NALF1: variants seen among roughly 807,000 people sequenced by gnomAD.
NALF1 encodes the protein family with sequence similarity 155 member A.
In NALF1, 3 loss-of-function variants were observed where a neutral mutation model predicts 48.4. The observed-to-expected ratio is 0.06, with a 90% CI of 0.03 to 0.16. The LOEUF is 0.16. NALF1 is among the 10% of genes least tolerant of loss of function. The probability of loss-of-function intolerance (pLI) is 1.00; values close to 1 mark genes in which losing one functional copy is unlikely to be tolerated. For synonymous variants in NALF1, 262 were observed against 245.7 expected (o/e 1.07, Z -0.62); for missense variants, 526 against 571.5 (o/e 0.92, Z 0.81).
intron 1 of NALF1, among the ~76,000 whole-genome samples, chr13:107,616,110 G>C (rs1327988461): frequency 6.6e-6 from 1 of 152,156 alleles, no homozygotes; most frequent in East Asian, 1.9e-4. Flanking sequence ...AGATAAAGAA[G>C]ATGTGAAATT....
intron 1 of NALF1, among the ~76,000 whole-genome samples, chr13:107,257,688 T>C (rs554559105): frequency 2.0e-5 from 3 of 152,238 alleles, no homozygotes; most frequent in East Asian, 3.9e-4. Context: ...TGGCCAGGCA[T>C]GTGCAGGTGT....
chr13:107,686,617 C>G (rs1490514418), intron 1 of NALF1, among the ~76,000 whole-genome samples: 3 of 152,058 alleles, frequency 2.0e-5, no homozygotes, highest in Non-Finnish European at 4.4e-5. Context: ...TGGTCTTGAT[C>G]TCTTGGAAAA....
At chr13:107,631,860 A>T (rs998252329) in intron 1 of NALF1, among the ~76,000 whole-genome samples, 1 of 152,078 alleles carries the variant, frequency 6.6e-6, no homozygotes, top group African/African-American at 2.4e-5. Context: ...CAACCAGAAA[A>T]ACATCAGTTA....
At chr13:107,592,819 A>G (rs1203745522) in intron 1 of NALF1, among the ~76,000 whole-genome samples, 1 of 151,912 alleles carries the variant, frequency 6.6e-6, no homozygotes, top group Non-Finnish European at 1.5e-5. Context: ...AAATTCTTAA[A>G]AATAAAGATA....
chr13:107,822,956 A>G (rs1879400934), intron 1 of NALF1, among the ~76,000 whole-genome samples: 1 of 152,224 alleles, frequency 6.6e-6, no homozygotes, highest in African/African-American at 2.4e-5. Context: ...TTGGGTTTCA[A>G]TAATGTGTTT....
At chr13:107,330,151 T>C (rs72650545) in intron 1 of NALF1, among the ~76,000 whole-genome samples, 10,091 of 152,230 alleles carry the variant, frequency 0.066, 419 homozygotes, top group East Asian at 0.19. Flanking sequence ...TTCAGGGCTG[T>C]AGCCTTTGTT....
rs540614669 is a variant in NALF1 at position 107,485,394 on chromosome 13, T to A, written c.916-274639A>T. On this transcript the variant is annotated intron_variant, in intron 1 of 2. Transcript: ENST00000375915. ...CCAGCATTCTAAAGTTTCAGACTTA[T>A]GCAATGACATCAGTCCTCATGTTTT... is the stretch of plus-strand genomic sequence containing the variant. 6.1e-4 allele frequency among the ~76,000 whole-genome samples: 93 copies of A among 152,304 alleles called. 1 individual carries two copies. Among genetic ancestry groups the A allele is most frequent in the African/African-American group, 1.9e-3 (81 of 41,568 alleles).
intron 1 of NALF1, among the ~76,000 whole-genome samples, chr13:107,605,440 A>G (rs547652588): frequency 6.6e-6 from 1 of 152,198 alleles, no homozygotes; most frequent in African/African-American, 2.4e-5. Context: ...TTGCAGATTC[A>G]TAACAGAGAC....
At chr13:107,270,003 C>T (rs983514140) in intron 1 of NALF1, among the ~76,000 whole-genome samples, 1 of 145,868 alleles carries the variant, frequency 6.9e-6, no homozygotes, top group African/African-American at 2.5e-5. Context: ...ATTTCCTGAC[C>T]TCGTGATCCG....
At chr13:107,757,397 C>T (rs1429029396) in intron 1 of NALF1, among the ~76,000 whole-genome samples, 1 of 144,260 alleles carries the variant, frequency 6.9e-6, no homozygotes, top group East Asian at 2.1e-4. Flanking sequence ...TTCCAGTTAA[C>T]AACACTGGCC....
At chr13:107,709,958 T>C (rs1369194682) in intron 1 of NALF1, among the ~76,000 whole-genome samples, 1 of 152,000 alleles carries the variant, frequency 6.6e-6, no homozygotes, top group Non-Finnish European at 1.5e-5. Context: ...TCAATATAAG[T>C]TTATGCACTT....
chr13:107,539,639 A>C (rs1876941976), intron 1 of NALF1, among the ~76,000 whole-genome samples: 1 of 152,182 alleles, frequency 6.6e-6, no homozygotes, highest in South Asian at 2.1e-4. Context: ...ATACATTAAT[A>C]TTCTGAAATA....
intron 1 of NALF1, among the ~76,000 whole-genome samples, chr13:107,558,553 T>C (rs1275327362): frequency 6.6e-6 from 1 of 152,200 alleles, no homozygotes; most frequent in East Asian, 1.9e-4. Flanking sequence ...TATAACTAAA[T>C]CACTCCTTAC....
chr13:107,773,385 G>T (rs1181875034), intron 1 of NALF1, among the ~76,000 whole-genome samples: 5 of 152,098 alleles, frequency 3.3e-5, no homozygotes, highest in Admixed American at 3.3e-4. Flanking sequence ...AAAGACTAAT[G>T]TCTTTGTTTA....
At chr13:107,453,928 C>T (rs1370342630) in intron 1 of NALF1, among the ~76,000 whole-genome samples, 6 of 152,144 alleles carry the variant, frequency 3.9e-5, no homozygotes, top group Non-Finnish European at 8.8e-5. Flanking sequence ...CAAATTTCCT[C>T]GGATCTCTAG....
chr13:107,358,036 A>T (rs1212327146), intron 1 of NALF1, among the ~76,000 whole-genome samples: 1 of 152,192 alleles, frequency 6.6e-6, no homozygotes, highest in Non-Finnish European at 1.5e-5. Flanking sequence ...TGTAATGAAT[A>T]TATGCACACG....
intron 1 of NALF1, among the ~76,000 whole-genome samples, chr13:107,296,751 G>C (rs904229070): frequency 6.6e-6 from 1 of 152,060 alleles, no homozygotes; most frequent in Non-Finnish European, 1.5e-5. Flanking sequence ...TGTAGCAGGA[G>C]AGAGAAAATC....
chr13:107,555,439 A>ATTTTTTTT (rs34486058), intron 1 of NALF1, among the ~76,000 whole-genome samples: 2 of 69,962 alleles, frequency 2.9e-5, no homozygotes, highest in African/African-American at 1.1e-4. Flanking sequence ...AGCCTGGCTA[A>ATTTTTTTT]TTTTTTTTTT....
chr13:107,622,180 G>T (rs1879536426), intron 1 of NALF1, among the ~76,000 whole-genome samples: 1 of 151,874 alleles, frequency 6.6e-6, no homozygotes, highest in African/African-American at 2.4e-5. Context: ...TGTAATCCCA[G>T]CACTTTGGGA....
Sources: gnomAD v4.1 joint callset for allele counts (sites outside exome capture counted in the v4.1 genomes callset) on GRCh38, gnomAD v4.1.1 for gene constraint, MANE v1.5 for transcripts, NCBI Gene and HGNC (gene_info 2026-07-23, HGNC 2026-07-21) for gene names.